UGT2A1: variants seen among roughly 807,000 people sequenced by gnomAD.
UGT2A1 encodes the protein UDP-glucuronosyltransferase 2A1.
Under a neutral mutation model 45.4 loss-of-function variants are expected in UGT2A1, and 61 were observed. That is an observed-to-expected ratio of 1.34 (90% CI 1.09 to 1.66). UGT2A1 has a LOEUF of 1.66. Ranked by LOEUF, UGT2A1 falls within the 40% of genes most tolerant of loss-of-function variation. UGT2A1 has a pLI of 0.00. For missense variants in UGT2A1, 649 were observed against 574.3 expected, an observed-to-expected ratio of 1.13 and a Z score of -1.33; for synonymous variants, 229 against 196.2, an observed-to-expected ratio of 1.17 and a Z score of -1.40.
At chr4:69,638,428 TAGAG>T (rs1305166799) in intron 2 of UGT2A1, among the ~76,000 whole-genome samples, 2 of 152,104 alleles carry the variant, frequency 1.3e-5, no homozygotes, top group Non-Finnish European at 2.9e-5. Flanking sequence ...TGTGTAAAGA[TAGAG>T]AGACAGTGAG....
At chr4:69,648,239 A>G (rs1157663579) in intron 1 of UGT2A1, among the ~76,000 whole-genome samples, 3 of 149,692 alleles carry the variant, frequency 2.0e-5, no homozygotes, top group Non-Finnish European at 4.4e-5. Context: ...CTTATAAATA[A>G]TATGTATAAC....
At position 69,645,817 on chromosome 4, in the gene UGT2A1, C is replaced by T. The variant is rs532730824; in HGVS notation, c.715+1113G>A. Reference sequence around the variant, plus strand: ...CGGTTCCGACGTCATTAGCATCTTCCTCCATGTCTCCCTACCTTACACTTG... The same window carrying T: ...CGGTTCCGACGTCATTAGCATCTTCTTCCATGTCTCCCTACCTTACACTTG... On this transcript the variant is annotated intron_variant, in intron 2 of 6. Coordinates refer to ENST00000286604, the MANE Select transcript of UGT2A1 (RefSeq NM_001252275.3). Among the ~76,000 whole-genome samples the T allele has an allele frequency of 2.6e-5, 4 of 151,902 alleles. No homozygotes were observed. In the South Asian group the frequency reaches 8.3e-4, roughly 32 times the overall value.
At chr4:69,633,590 A>C (rs1268430069) in intron 3 of UGT2A1, among the ~76,000 whole-genome samples, 1 of 152,214 alleles carries the variant, frequency 6.6e-6, no homozygotes, top group African/African-American at 2.4e-5. Context: ...TGATACATTA[A>C]TTCAATAGAC....
intron 4 of UGT2A1, among the ~76,000 whole-genome samples, chr4:69,597,579 G>A (rs748555943): frequency 6.6e-6 from 1 of 152,104 alleles, no homozygotes; most frequent in African/African-American, 2.4e-5. Context: ...AAATAACTAG[G>A]GGAGGGTGAT....
intron 2 of UGT2A1, among the ~76,000 whole-genome samples, chr4:69,642,569 T>C (rs1722095093): frequency 6.6e-6 from 1 of 151,896 alleles, no homozygotes; most frequent in Non-Finnish European, 1.5e-5. Flanking sequence ...TACACTTGAA[T>C]GTGTTTCATT....
rs1553907357 is a variant in UGT2A1, at chr4:69,634,272, A to AAACAAC, written c.847+1413_847+1418dup. On this transcript the variant is annotated intron_variant, in intron 3 of 6. Coordinates refer to ENST00000286604, the MANE Select transcript of UGT2A1 (RefSeq NM_001252275.3). Reference sequence around the variant, plus strand: ...AAATCAAACAAAACAAAACAAAACAAAACAACAACAACAACAAAAACCCAC... The same window carrying AAACAAC: ...AAATCAAACAAAACAAAACAAAACAAAACAACAACAACAACAACAACAAAAACCCAC... Among the ~76,000 whole-genome samples, 8 of 149,024 alleles carry AAACAAC rather than the reference A, an allele frequency of 5.4e-5. No homozygotes were observed. In the South Asian group the frequency reaches 1.7e-3, roughly 32 times the overall value.
At chr4:69,604,367 T>G (rs920090169) in intron 3 of UGT2A1, among the ~76,000 whole-genome samples, 1 of 135,926 alleles carries the variant, frequency 7.4e-6, no homozygotes, top group Non-Finnish European at 1.6e-5. Flanking sequence ...GACAAGCAAA[T>G]GCTGAGAGAT....
At chr4:69,613,616 G>A (rs891761290) in intron 3 of UGT2A1, among the ~76,000 whole-genome samples, 1 of 151,834 alleles carries the variant, frequency 6.6e-6, no homozygotes, top group African/African-American at 2.4e-5. Context: ...ATATTAAAAA[G>A]ATCATTCATC....
chr4:69,596,526 T>C lies in UGT2A1; in HGVS notation c.997-1277A>G, dbSNP rs140163061. On this transcript the variant is annotated intron_variant, in intron 4 of 6. Transcript: ENST00000286604. ...TCTTCTGACATGTAGAAAGATCTAG[T>C]TTCTATATTTTTTTTTGGCAGAGTC... 9.0e-5 allele frequency: 112 copies of C among 1,242,022 alleles called. No individual in the cohort carries two copies. In the African/African-American group the frequency reaches 1.3e-3, roughly 15 times the overall value. The allele number at this position is 1,242,022 out of a possible 1,614,324, so 76.9% of individuals were successfully genotyped here. A position where few individuals can be genotyped will look rare whatever the true frequency, so the allele number is the denominator to read the frequency against.
chr4:69,637,803 C>A (rs550540170), intron 2 of UGT2A1, among the ~76,000 whole-genome samples: 2 of 151,878 alleles, frequency 1.3e-5, no homozygotes, highest in African/African-American at 4.8e-5. Context: ...ACCACTTAGA[C>A]AAGTTGTAGG....
At chr4:69,652,123 G>C (rs559993036) in intron 1 of UGT2A1, among the ~76,000 whole-genome samples, 11 of 152,142 alleles carry the variant, frequency 7.2e-5, no homozygotes, top group Non-Finnish European at 1.5e-4. Flanking sequence ...GAGGAGGCAA[G>C]AATTGAAGTT....
intron 2 of UGT2A1, chr4:69,639,496 G>A (rs950370348): frequency 6.3e-5 from 102 of 1,613,100 alleles, no homozygotes; most frequent in Non-Finnish European, 8.0e-5. Flanking sequence ...AACTCTTCTA[G>A]AATAATCTTA....
chr4:69,593,559 CTT>C (rs146456619), intron 6 of UGT2A1, among the ~76,000 whole-genome samples: 12,188 of 151,012 alleles, frequency 0.081, 646 homozygotes, highest in Non-Finnish European at 0.12. Flanking sequence ...TATATATAGA[CTT>C]ATATATATAA....
In UGT2A1 at chr4:69,589,133, G is replaced by T; in HGVS notation, c.*239C>A. The T allele has an allele frequency of 2.7e-6, 1 of 367,272 alleles. No individual in the cohort carries two copies. Among genetic ancestry groups the T allele is most frequent in the Non-Finnish European group, 4.7e-6 (1 of 212,770 alleles). 22.8% of individuals were successfully genotyped at this position (367,272 alleles called of 1,614,324 possible). A position where few individuals can be genotyped will look rare whatever the true frequency, so the allele number is the denominator to read the frequency against. On this transcript the variant is annotated 3_prime_UTR_variant, in exon 7 of 7. Transcript: ENST00000286604. ...TTGTGTCAGAAAAGTGACAGGAAGA[G>T]GGTATAGTCAGCAGGGAGAGACAAA...
At chr4:69,612,258 TATAC>T (rs1167843030) in intron 3 of UGT2A1, among the ~76,000 whole-genome samples, 1 of 152,038 alleles carries the variant, frequency 6.6e-6, no homozygotes, top group Non-Finnish European at 1.5e-5. Context: ...AATTATTCCA[TATAC>T]TATCGTGAGT....
At chr4:69,632,672 A>G (rs113441560) in intron 3 of UGT2A1, among the ~76,000 whole-genome samples, 5,063 of 152,062 alleles carry the variant, frequency 0.033, 289 homozygotes, top group African/African-American at 0.11. Flanking sequence ...GGCAGATCAC[A>G]AAGTCAAGAG....
intron 4 of UGT2A1, among the ~76,000 whole-genome samples, chr4:69,596,730 C>A (rs2109884630): frequency 6.6e-6 from 1 of 152,250 alleles, no homozygotes; most frequent in African/African-American, 2.4e-5. Context: ...CCATGTTGGC[C>A]AGGCTGGTCT....
chr4:69,620,052 G>A (rs568893838), intron 3 of UGT2A1, among the ~76,000 whole-genome samples: 2 of 152,084 alleles, frequency 1.3e-5, no homozygotes, highest in African/African-American at 4.8e-5. Context: ...AAAGCTGTAA[G>A]CATTTTCCTT....
chr4:69,608,150 G>T (rs1444171485), intron 3 of UGT2A1, among the ~76,000 whole-genome samples: 1 of 152,134 alleles, frequency 6.6e-6, no homozygotes, highest in Non-Finnish European at 1.5e-5. Flanking sequence ...ATTCACAATA[G>T]CAAAGACTTG....
Sources: allele counts gnomAD v4.1 joint callset (sites outside exome capture counted in the v4.1 genomes callset), GRCh38; gene constraint gnomAD v4.1.1; transcripts MANE v1.5; gene names NCBI Gene and HGNC (gene_info 2026-07-23, HGNC 2026-07-21).